Variants in PPARGC1A observed in about 807,000 individuals in gnomAD.
PPARGC1A encodes PPARG coactivator 1 alpha.
PPARGC1A carries 25 observed loss-of-function variants against 88.7 expected under a neutral mutation model. The ratio of observed to expected loss-of-function variants is 0.28; its 90% confidence interval spans 0.21 to 0.39. The LOEUF (loss-of-function observed/expected upper bound fraction) is 0.39, where lower values mean the gene tolerates loss of function less well. PPARGC1A is among the 10% of genes least tolerant of loss of function. The pLI is 1.00. For synonymous variants in PPARGC1A, 363 were observed against 355.6 expected, an observed-to-expected ratio of 1.02 and a Z score of -0.24; for missense variants, 880 against 968.7, an observed-to-expected ratio of 0.91 and a Z score of 1.22.
At chr4:24,270,589 G>C in the PPARGC1A span, among the ~76,000 whole-genome samples, 5 of 151,860 alleles carry the variant, frequency 3.3e-5, no homozygotes, top group African/African-American at 4.8e-5. Flanking sequence ...TCACTACATA[G>C]AAAAAAATCT....
the PPARGC1A span, among the ~76,000 whole-genome samples, chr4:24,391,263 A>T: frequency 1.3e-5 from 2 of 152,198 alleles, no homozygotes; most frequent in Non-Finnish European, 2.9e-5. Flanking sequence ...CGTGTTACAT[A>T]CATATTCAAT....
the PPARGC1A span, among the ~76,000 whole-genome samples, chr4:24,406,608 T>C: frequency 6.6e-6 from 1 of 152,202 alleles, no homozygotes. Context: ...TCAAACATTG[T>C]TAAGAAATGG....
chr4:24,075,585 G>C, the PPARGC1A span, among the ~76,000 whole-genome samples: 3 of 152,266 alleles, frequency 2.0e-5, no homozygotes, highest in East Asian at 5.8e-4. Flanking sequence ...ATTCCCACGT[G>C]TCATGGGAGT....
the PPARGC1A span, among the ~76,000 whole-genome samples, chr4:24,456,100 C>T: frequency 1.3e-5 from 2 of 151,368 alleles, no homozygotes; most frequent in African/African-American, 4.9e-5. Context: ...TGCCATGCAA[C>T]AAAGGGAAAA....
chr4:24,223,959 G>A, the PPARGC1A span, among the ~76,000 whole-genome samples: 2 of 152,260 alleles, frequency 1.3e-5, no homozygotes, highest in South Asian at 2.1e-4. Context: ...TCTCTGAGAC[G>A]CAATTCCTAT....
At chr4:23,984,524 T>TA in the PPARGC1A span, among the ~76,000 whole-genome samples, 2 of 151,602 alleles carry the variant, frequency 1.3e-5, no homozygotes, top group Admixed American at 6.6e-5. Context: ...ATTAAACTAA[T>TA]AAAAAACTAG....
the PPARGC1A span, among the ~76,000 whole-genome samples, chr4:24,264,653 A>C: frequency 6.6e-6 from 1 of 152,264 alleles, no homozygotes; most frequent in Admixed American, 6.5e-5. Context: ...GCAGTAATGC[A>C]AGGAAAGCAC....
chr4:23,903,584 T>C (rs1340444474), upstream of PPARGC1A, among the ~76,000 whole-genome samples: 2 of 152,206 alleles, frequency 1.3e-5, no homozygotes, highest in Non-Finnish European at 2.9e-5. Flanking sequence ...AGCCATGCAA[T>C]ACAGTGGTCC....
At chr4:23,928,734 T>C in the PPARGC1A span, among the ~76,000 whole-genome samples, 1 of 128,180 alleles carries the variant, frequency 7.8e-6, no homozygotes, top group Non-Finnish European at 1.6e-5. Flanking sequence ...ATAAAGGAAA[T>C]GTGGTACTTA....
At chr4:24,402,948 G>T in the PPARGC1A span, among the ~76,000 whole-genome samples, 1 of 152,184 alleles carries the variant, frequency 6.6e-6, no homozygotes, top group Non-Finnish European at 1.5e-5. Context: ...CTCATTAGGG[G>T]CTGAATGAAT....
chr4:23,800,554 C>T (rs6856300), intron 12 of PPARGC1A, among the ~76,000 whole-genome samples: 80,541 of 150,560 alleles, frequency 0.53, 22,080 homozygotes, highest in East Asian at 0.69. Context: ...CAGCAGAACA[C>T]GAATTTATAT....
At chr4:24,413,273 A>G in the PPARGC1A span, among the ~76,000 whole-genome samples, 5 of 112,178 alleles carry the variant, frequency 4.5e-5, no homozygotes, top group East Asian at 1.3e-3. Flanking sequence ...AGGTTTGTTT[A>G]TACTCAGCAG....
chr4:24,280,196 G>A, the PPARGC1A span, among the ~76,000 whole-genome samples: 2 of 152,294 alleles, frequency 1.3e-5, no homozygotes, highest in African/African-American at 4.8e-5. Flanking sequence ...ACATAATACG[G>A]AGAACTCACG....
rs971438092 is a variant in PPARGC1A, at chr4:23,895,434, G to T, written n.52+3833C>A. On this transcript the variant is annotated intron_variant and non_coding_transcript_variant, in intron 1 of 3. Transcript: ENST00000507342. ...TCCAGTGCTTTGATATTTGAATTTT[G>T]CTCTAGCTAAACTGATATGTATATA... Among the ~76,000 whole-genome samples, 8 of 150,002 alleles carry T rather than the reference G, an allele frequency of 5.3e-5. 1 individual carries two copies. Among genetic ancestry groups the T allele is most frequent in the Admixed American group, 1.3e-4 (2 of 14,976 alleles).
the PPARGC1A span, among the ~76,000 whole-genome samples, chr4:24,453,537 T>C: frequency 2.6e-4 from 40 of 152,310 alleles, no homozygotes; most frequent in African/African-American, 9.1e-4. Flanking sequence ...TTCCAGCACT[T>C]TGGGAGGCCA....
intron 2 of PPARGC1A, among the ~76,000 whole-genome samples, chr4:23,852,443 CAT>C (rs75162686): frequency 0.14 from 20,818 of 152,006 alleles, 1,807 homozygotes; most frequent in Non-Finnish European, 0.19. Context: ...ACAGCCCTGA[CAT>C]AGAATTTTCA....
At chr4:24,276,097 T>C in the PPARGC1A span, among the ~76,000 whole-genome samples, 2 of 152,228 alleles carry the variant, frequency 1.3e-5, no homozygotes, top group African/African-American at 4.8e-5. Flanking sequence ...GAGGGAGGAC[T>C]TAATGAAAGT....
intron 2 of PPARGC1A, among the ~76,000 whole-genome samples, chr4:23,860,719 A>G (rs1731103673): frequency 6.6e-6 from 1 of 152,234 alleles, no homozygotes; most frequent in Admixed American, 6.5e-5. Context: ...GCAAGAAGCC[A>G]AAGAAGCAAG....
chr4:24,236,624 G>C, the PPARGC1A span, among the ~76,000 whole-genome samples: 3 of 152,290 alleles, frequency 2.0e-5, no homozygotes, highest in South Asian at 6.2e-4. Flanking sequence ...ATGTCAGACG[G>C]TCCTATCAAA....
Sources: gnomAD v4.1 joint callset for allele counts (sites outside exome capture counted in the v4.1 genomes callset) on GRCh38, gnomAD v4.1.1 for gene constraint, MANE v1.5 for transcripts, NCBI Gene and HGNC (gene_info 2026-07-23, HGNC 2026-07-21) for gene names.